TNRC6C: variants seen among roughly 807,000 people sequenced by gnomAD.
TNRC6C encodes the protein trinucleotide repeat-containing gene 6C protein.
TNRC6C carries 20 observed loss-of-function variants against 153.7 expected under a neutral mutation model. That is an observed-to-expected ratio of 0.13 (90% CI 0.09 to 0.19). The LOEUF (loss-of-function observed/expected upper bound fraction) is 0.19. Among genes scored for constraint, TNRC6C ranks in the 10% least tolerant of loss-of-function variants. The pLI is 1.00. For missense variants in TNRC6C, 1,987 were observed against 2,172.0 expected (o/e 0.91, Z 1.69); for synonymous variants, 811 against 841.4 (o/e 0.96, Z 0.63).
chr17:78,093,761 G>A, exon 16 of TNRC6C: 1 of 1,613,820 alleles, frequency 6.2e-7, no homozygotes, highest in African/African-American at 1.3e-5. Context: ...CTCAAGAGTG[G>A]AGGTGAGGGT....
intron 1 of TNRC6C, among the ~76,000 whole-genome samples, chr17:77,962,657 A>C (rs912379923): frequency 2.6e-5 from 4 of 152,240 alleles, no homozygotes; most frequent in African/African-American, 9.6e-5. Context: ...GGGAAGAACC[A>C]GGTAACTTTA....
intron 1 of TNRC6C, among the ~76,000 whole-genome samples, chr17:78,012,507 A>T (rs77370231): frequency 0.031 from 4,717 of 152,298 alleles, 150 homozygotes; most frequent in African/African-American, 0.079. Flanking sequence ...AGGCTTTTTT[A>T]AAAAAGTTCC....
At chr17:77,984,986 T>C (rs2071141456) in intron 1 of TNRC6C, among the ~76,000 whole-genome samples, 1 of 152,210 alleles carries the variant, frequency 6.6e-6, no homozygotes, top group South Asian at 2.1e-4. Flanking sequence ...AACTCTATCC[T>C]GTTCTAGTTA....
Position 78,067,747 on chromosome 17 carries a change from C to T in TNRC6C, c.2612-10C>T, listed in dbSNP as rs780824926. On this transcript the variant is annotated splice_polypyrimidine_tract_variant and intron_variant, in intron 4 of 19. Coordinates refer to ENST00000301624, the Ensembl canonical transcript of TNRC6C. Reference sequence around the variant, plus strand: ...TGAATTTGATAAGTTCATGTTTGCTCTGTTTCTAGCTTCAAAATCTATGCA... The same window carrying T: ...TGAATTTGATAAGTTCATGTTTGCTTTGTTTCTAGCTTCAAAATCTATGCA... 2 of 1,599,466 alleles carry T rather than the reference C, an allele frequency of 1.3e-6. No homozygotes were observed. Among genetic ancestry groups the T allele is most frequent in the African/African-American group, 2.7e-5 (2 of 73,946 alleles).
chr17:78,011,250 AT>A (rs894406187), intron 1 of TNRC6C, among the ~76,000 whole-genome samples: 1 of 152,198 alleles, frequency 6.6e-6, no homozygotes, highest in Non-Finnish European at 1.5e-5. Flanking sequence ...GTTGGCATAT[AT>A]TCACCTGTTA....
intron 1 of TNRC6C, among the ~76,000 whole-genome samples, chr17:77,980,167 A>G (rs36040952): frequency 0.082 from 12,499 of 152,310 alleles, 1,347 homozygotes; most frequent in African/African-American, 0.25. Flanking sequence ...TACATCTAAA[A>G]TAATGTGAAC....
intron 3 of TNRC6C, among the ~76,000 whole-genome samples, chr17:78,056,613 G>A (rs1055770859): frequency 4.0e-5 from 6 of 151,792 alleles, no homozygotes; most frequent in South Asian, 4.2e-4. Flanking sequence ...ACAGGTGCCC[G>A]CCACCACGCT....
At position 77,960,772 on chromosome 17, in the gene TNRC6C, C is replaced by A. The variant is rs2144019876; in HGVS notation, c.-38+1504C>A. ...GTTTCACTGTAGCACCCCTAGGATGCTTTGTTGGGGGAAATAATGCAAAAC... is the reference window on the plus strand; with the variant it reads ...GTTTCACTGTAGCACCCCTAGGATGATTTGTTGGGGGAAATAATGCAAAAC... On this transcript the variant is annotated intron_variant, in intron 1 of 22. Coordinates refer to the TNRC6C transcript ENST00000636222. Among the ~76,000 whole-genome samples, 3 of 152,240 alleles carry A rather than the reference C, an allele frequency of 2.0e-5. No homozygotes were observed. In the South Asian group the frequency reaches 6.2e-4, roughly 32 times the overall value.
At chr17:78,086,382 T>C (rs2073290339) in intron 11 of TNRC6C, 121 bp from the exon 14 acceptor site, 2 of 536,590 alleles carry the variant, frequency 3.7e-6, no homozygotes, top group African/African-American at 4.2e-5. Flanking sequence ...AGCCACAGTA[T>C]GGGCCAAGAA....
At chr17:78,027,121 G>A (rs913290496) in intron 1 of TNRC6C, among the ~76,000 whole-genome samples, 6 of 152,116 alleles carry the variant, frequency 3.9e-5, no homozygotes, top group Non-Finnish European at 8.8e-5. Flanking sequence ...AGTGGCCGTC[G>A]CTGATAAAGA....
At chr17:78,103,276 A>C (rs1215881564) in intron 18 of TNRC6C, 138 bp from the exon 22 acceptor site, 79 of 1,039,320 alleles carry the variant, frequency 7.6e-5, no homozygotes, top group Non-Finnish European at 9.6e-5. Flanking sequence ...ATGTTGTAAA[A>C]CCACATATTA....
chr17:78,038,028 T>G (rs191433250), intron 2 of TNRC6C, among the ~76,000 whole-genome samples: 33 of 151,986 alleles, frequency 2.2e-4, no homozygotes, highest in African/African-American at 8.0e-4. Flanking sequence ...ACTGAGAAAA[T>G]AGTGGTTCAG....
chr17:78,078,509 G>C (rs962259015), intron 9 of TNRC6C, among the ~76,000 whole-genome samples: 1 of 152,112 alleles, frequency 6.6e-6, no homozygotes, highest in African/African-American at 2.4e-5. Context: ...TCTCAGATTA[G>C]TAATCACCAC....
At chr17:78,055,131 G>C (rs1317190814) in intron 3 of TNRC6C, among the ~76,000 whole-genome samples, 2 of 152,216 alleles carry the variant, frequency 1.3e-5, no homozygotes, top group Non-Finnish European at 2.9e-5. Context: ...AAGATTAAAA[G>C]ATACTTTCTT....
intron 16 of TNRC6C, 35 bp downstream of exon 18, chr17:78,093,798 G>T (rs373112227): frequency 6.2e-7 from 1 of 1,611,644 alleles, no homozygotes; most frequent in Non-Finnish European, 8.5e-7. Context: ...CTGCATGGAC[G>T]GTCTCTCTAG....
intron 1 of TNRC6C, among the ~76,000 whole-genome samples, chr17:77,972,904 C>A (rs1268514958): frequency 6.6e-6 from 1 of 152,022 alleles, no homozygotes; most frequent in Non-Finnish European, 1.5e-5. Context: ...ATAATAATAT[C>A]ATAAATTATT....
intron 2 of TNRC6C, among the ~76,000 whole-genome samples, chr17:78,037,735 G>A (rs1168631766): frequency 6.6e-6 from 1 of 152,162 alleles, no homozygotes; most frequent in East Asian, 1.9e-4. Flanking sequence ...CAGCATAAAA[G>A]CTTCTTTTGG....
At chr17:78,028,625 T>C (rs1448494956) in intron 1 of TNRC6C, among the ~76,000 whole-genome samples, 1 of 152,092 alleles carries the variant, frequency 6.6e-6, no homozygotes, top group East Asian at 1.9e-4. Context: ...AAGTCCATGT[T>C]GAGAGACAAA....
chr17:78,005,208 A>G (rs1385338591), intron 1 of TNRC6C, 129 bp downstream of exon 3: 11 of 556,732 alleles, frequency 2.0e-5, no homozygotes, highest in Non-Finnish European at 2.7e-5. Context: ...ACTATTTTTT[A>G]TTATTCATTG....
Sources: gnomAD v4.1 joint callset for allele counts (sites outside exome capture counted in the v4.1 genomes callset) on GRCh38, gnomAD v4.1.1 for gene constraint, MANE v1.5 for transcripts, NCBI Gene and HGNC (gene_info 2026-07-23, HGNC 2026-07-21) for gene names.